DNAH10: variants seen among roughly 807,000 people sequenced by gnomAD.
DNAH10 encodes the protein axonemal beta dynein heavy chain 10.
In DNAH10, 348 loss-of-function variants were observed where a neutral mutation model predicts 506.6. The observed-to-expected ratio is 0.69, with a 90% CI of 0.63 to 0.75. The LOEUF (loss-of-function observed/expected upper bound fraction) is 0.75, where lower values mean the gene tolerates loss of function less well. DNAH10 is among the 30% of genes least tolerant of loss of function. DNAH10 has a pLI of 0.00. For synonymous variants in DNAH10, 2,059 were observed against 2,198.6 expected (o/e 0.94, Z 1.78); for missense variants, 5,179 against 5,787.1 (o/e 0.89, Z 3.41).
In DNAH10 at chr12:123,786,410, C is replaced by G. The variant is rs986026242; in HGVS notation, c.1421+474C>G. Among the ~76,000 whole-genome samples the G allele has an allele frequency of 6.0e-5, 9 of 149,722 alleles. 1 individual carries two copies. Among genetic ancestry groups the G allele is most frequent in the African/African-American group, 2.2e-4 (9 of 40,728 alleles). On this transcript the variant is annotated intron_variant, in intron 9 of 78. Coordinates refer to ENST00000673944, the MANE Select transcript of DNAH10 (RefSeq NM_001372106.1). ...ACTATCAATGTTAGAACATGTTCTT[C>G]ATCCCTCAAAAGAAAACGTGTGCCT... is the stretch of plus-strand genomic sequence containing the variant.
rs997206750 is a variant in DNAH10 at position 123,830,636 on chromosome 12, C to G, written c.4482C>G (p.His1494Gln). The G allele has an allele frequency of 2.9e-5, 47 of 1,613,846 alleles. No individual in the cohort carries two copies. Among genetic ancestry groups the G allele is most frequent in the Non-Finnish European group, 4.0e-5 (47 of 1,179,850 alleles). The change falls in exon 26 of 79, where the codon CAC becomes CAG. Residue 1494 changes from histidine to glutamine, a missense_variant. Transcript: ENST00000673944. The part of the protein sequence containing the change: ...TLENMFAMEL[H>Q]KHTDVLNEIV... ...AAAATATGTTTGCTATGGAACTGCA[C>G]AAACACACAGATGTTCTCAATGAGA...
intron 52 of DNAH10, among the ~76,000 whole-genome samples, chr12:123,888,258 G>A (rs997506694): frequency 2.0e-5 from 3 of 152,142 alleles, no homozygotes; most frequent in Admixed American, 6.5e-5. Context: ...ACCTAATAGG[G>A]AAGGTACCAT....
chr12:123,914,798 C>G, intron 61 of DNAH10, 54 bp from the exon 62 acceptor site: 1 of 1,589,990 alleles, frequency 6.3e-7, no homozygotes, highest in Non-Finnish European at 8.6e-7. Context: ...ACCCTTAGCC[C>G]TTGGCTCACA....
intron 4 of DNAH10, among the ~76,000 whole-genome samples, chr12:123,773,758 C>T (rs948664229): frequency 6.6e-6 from 1 of 152,234 alleles, no homozygotes; most frequent in Admixed American, 6.5e-5. Context: ...GCCCCACCTT[C>T]TAATACCTTC....
At position 123,914,497 on chromosome 12, in the gene DNAH10, G is replaced by C. The variant is rs751190153; in HGVS notation, c.10521G>C (p.Leu3507=). ...QNDILEREIP[L]SQPFRLESLL... ...ACATCCTGGAGCGGGAGATCCCCCT[G>C]AGCCAGCCTTTCCGGCTGGAAAGCC... The change falls in exon 61 of 79, where the codon CTG becomes CTC. Residue 3507 remains leucine, a synonymous_variant. Transcript: ENST00000673944. 12 of 1,613,624 alleles carry C rather than the reference G, an allele frequency of 7.4e-6. No homozygotes were observed. The highest frequency in any genetic ancestry group is 1.1e-5 in the South Asian group (1 of 91,084).
intron 17 of DNAH10, 106 bp downstream of exon 17, chr12:123,803,931 T>G: frequency 8.9e-7 from 1 of 1,123,366 alleles, no homozygotes; most frequent in Non-Finnish European, 1.2e-6. Flanking sequence ...TGTATTTGTA[T>G]GTTCCATGAA....
rs372469419 is a variant in DNAH10 at position 123,885,288 on chromosome 12, G to A, written c.8824-1854G>A. 3.9e-5 allele frequency among the ~76,000 whole-genome samples: 6 copies of A among 152,286 alleles called. No homozygotes were observed. The South Asian group carries it at 8.3e-4, about 21-fold the overall frequency. On this transcript the variant is annotated intron_variant, in intron 51 of 78. Transcript: ENST00000673944. The stretch of plus-strand genomic sequence containing the variant: ...TCATTTTTCCCCACTGTGTCACTGC[G>A]TCTTTCCAAGTCAATAAATACATAT...
At position 123,868,099 on chromosome 12, in the gene DNAH10, C is replaced by T; in HGVS notation, c.7499C>T (p.Ala2500Val). The T allele has an allele frequency of 6.2e-7, 1 of 1,613,120 alleles. No individual in the cohort carries two copies. Among genetic ancestry groups the T allele is most frequent in the Non-Finnish European group, 8.5e-7 (1 of 1,179,788 alleles). ...LSTVDTEGVW[A>V]NPGELPGQLP... ...ACTGTTGACACAGAAGGAGTTTGGG[C>T]CAACCCTGGGGAACTGCCAGGTGGG... The change falls in exon 43 of 79, where the codon GCC (alanine) becomes GTC (valine). Residue 2500 changes from alanine to valine, a missense_variant. Around this residue, in one of 3 missense-constraint regions of DNAH10, gnomAD observed 4,844 missense variants for 5,430.5 expected, o/e 0.89. Transcript: ENST00000673944.
intron 57 of DNAH10, among the ~76,000 whole-genome samples, chr12:123,905,438 T>C (rs572687407): frequency 2.4e-4 from 36 of 152,236 alleles, no homozygotes; most frequent in Non-Finnish European, 4.1e-4. Flanking sequence ...TGTTCATAGC[T>C]GTTGCCTAAT....
Position 123,835,452 on chromosome 12 carries a change from T to G in DNAH10, c.4826T>G (p.Phe1609Cys), listed in dbSNP as rs770008590. The change falls in exon 28 of 79, where the codon TTT (phenylalanine) becomes TGT (cysteine). Residue 1609 changes from phenylalanine to cysteine, a missense_variant. By Grantham distance (205) the Phe-to-Cys change is radical. Coordinates refer to ENST00000673944, the MANE Select transcript of DNAH10 (RefSeq NM_001372106.1). ...AAATGGATGTATCTTGAAAGTATTT[T>G]TATTGGTGGAGATATAAGATCACAA... ...QRKWMYLESIFIGGDIRSQLP... is the reference protein window; with the variant it reads ...QRKWMYLESICIGGDIRSQLP... 2 of 1,609,824 alleles carry G rather than the reference T, an allele frequency of 1.2e-6. No individual in the cohort carries two copies.
chr12:123,861,055 G>T lies in DNAH10; in HGVS notation c.6793G>T (p.Val2265Leu), dbSNP rs766040740. 6.2e-7 allele frequency: 1 copy of T among 1,613,928 alleles called. No homozygotes were observed. Reference sequence around the variant, plus strand: ...GTTGTACATCCTGAACCCCAAAGCCGTGAGTGTCATAGAACTCTACGGCAT... The same window carrying T: ...GTTGTACATCCTGAACCCCAAAGCCTTGAGTGTCATAGAACTCTACGGCAT... ...TKLYILNPKAVSVIELYGILD... is the reference protein window; with the variant it reads ...TKLYILNPKALSVIELYGILD... The change falls in exon 39 of 79, where the codon GTG (valine) becomes TTG (leucine). Residue 2265 changes from valine (V) to leucine (L), a missense_variant. Transcript: ENST00000673944.
At chr12:123,877,406 G>A (rs1952301115) in intron 47 of DNAH10, among the ~76,000 whole-genome samples, 2 of 152,116 alleles carry the variant, frequency 1.3e-5, no homozygotes, top group South Asian at 4.2e-4. Context: ...CCGCCTCCTG[G>A]GTTCAGGCGA....
chr12:123,832,896 A>G (rs1003136532), intron 26 of DNAH10, among the ~76,000 whole-genome samples: 5 of 152,108 alleles, frequency 3.3e-5, no homozygotes, highest in Admixed American at 2.0e-4. Flanking sequence ...TGCTTTGAGG[A>G]CTGAATGAGA....
At chr12:123,792,811 T>C (rs953216834) in intron 11 of DNAH10, among the ~76,000 whole-genome samples, 2 of 152,172 alleles carry the variant, frequency 1.3e-5, no homozygotes, top group African/African-American at 2.4e-5. Context: ...ACCCTAGGAC[T>C]TCCTATCTTC....
rs1042585967 is a variant in DNAH10, at chr12:123,916,026, C to T, written c.10723-431C>T. 2.6e-5 allele frequency among the ~76,000 whole-genome samples: 4 copies of T among 152,194 alleles called. No individual in the cohort carries two copies. The highest frequency in any genetic ancestry group is 9.7e-5 in the African/African-American group (4 of 41,444). On this transcript the variant is annotated intron_variant, in intron 62 of 78. Coordinates refer to ENST00000673944, the MANE Select transcript of DNAH10 (RefSeq NM_001372106.1). The surrounding 1 kb of genome is among the most constrained non-coding windows in gnomAD (Gnocchi z 4.6). ...TGCTGTTAGAGGAAGCCCATTTGTA[C>T]TCCAAGGTCAGGGGAACAGTCTGCC...
chr12:123,767,768 GC>G, intron 2 of DNAH10, 79 bp downstream of exon 2: 1 of 1,219,134 alleles, frequency 8.2e-7, no homozygotes, highest in Non-Finnish European at 1.2e-6. Context: ...TGCCTGCCGT[GC>G]CACAATCAGT....
chr12:123,797,027 C>A (rs531123048), intron 13 of DNAH10, among the ~76,000 whole-genome samples, 195 bp downstream of exon 13: 2 of 152,144 alleles, frequency 1.3e-5, no homozygotes, highest in South Asian at 4.1e-4. Context: ...TGTGCCACCA[C>A]GTCCGGCTAA....
chr12:123,790,226 A>G (rs1958029211), intron 11 of DNAH10, 105 bp downstream of exon 11: 1 of 1,151,106 alleles, frequency 8.7e-7, no homozygotes, highest in African/African-American at 1.6e-5. Flanking sequence ...TTTTTAAATC[A>G]CAAGTAATAC....
At position 123,903,925 on chromosome 12, in the gene DNAH10, C is replaced by T. The variant is rs909250908; in HGVS notation, c.9815+812C>T. 1.3e-5 allele frequency among the ~76,000 whole-genome samples: 2 copies of T among 152,220 alleles called. No homozygotes were observed. Among genetic ancestry groups the T allele is most frequent in the South Asian group, 2.1e-4 (1 of 4,826 alleles). ...AGATCAGTCTTCCTGGCCCCACACA[C>T]GGGTCTCGCAGCCGAGAGGCTCCGT... On this transcript the variant is annotated intron_variant, in intron 57 of 78. Transcript: ENST00000673944. This position sits in a 1 kb window ranked among gnomAD's most constrained non-coding sequence, Gnocchi z 4.6.
Sources: allele counts gnomAD v4.1 joint callset (sites outside exome capture counted in the v4.1 genomes callset), GRCh38; gene constraint gnomAD v4.1.1; regional missense constraint gnomAD v4.1.1; non-coding constraint Gnocchi (gnomAD v3.1); transcripts MANE v1.5; gene names NCBI Gene and HGNC (gene_info 2026-07-23, HGNC 2026-07-21).